NRXN3: variants seen among roughly 807,000 people sequenced by gnomAD.
NRXN3 encodes neurexin 3.
A neutral mutation model predicts 137.6 loss-of-function variants in NRXN3; 32 were observed. The ratio of observed to expected loss-of-function variants is 0.23; its 90% CI spans 0.18 to 0.31. NRXN3 has a LOEUF of 0.31. Ranked by LOEUF, NRXN3 falls within the 10% of genes least tolerant of loss-of-function variation. NRXN3 has a pLI of 1.00. For synonymous variants in NRXN3, 798 were observed against 784.5 expected (o/e 1.02, Z -0.29); for missense variants, 1,574 against 2,062.5 (o/e 0.76, Z 4.59).
chr14:78,915,078 A>T (rs1424238701), intron 10 of NRXN3, among the ~76,000 whole-genome samples: 1 of 152,128 alleles, frequency 6.6e-6, no homozygotes, highest in African/African-American at 2.4e-5. Context: ...AGGAAATCTC[A>T]GAAAGAGATG....
intron 4 of NRXN3, among the ~76,000 whole-genome samples, chr14:78,628,383 T>A (rs1186109082): frequency 6.6e-6 from 1 of 152,196 alleles, no homozygotes; most frequent in African/African-American, 2.4e-5. Flanking sequence ...TCAAAACAAT[T>A]TTTTTATACT....
At chr14:79,702,939 GCTCA>G (rs2098761014) in intron 19 of NRXN3, among the ~76,000 whole-genome samples, 3 of 134,314 alleles carry the variant, frequency 2.2e-5, no homozygotes, top group Non-Finnish European at 4.8e-5. Context: ...AAAAAAAAAA[GCTCA>G]GTGTGTTCTG....
At chr14:79,229,739 G>C (rs998301713) in intron 15 of NRXN3, among the ~76,000 whole-genome samples, 1 of 152,094 alleles carries the variant, frequency 6.6e-6, no homozygotes, top group Non-Finnish European at 1.5e-5. Flanking sequence ...TTTGCCAGCT[G>C]TCCGTCTTGT....
intron 16 of NRXN3, among the ~76,000 whole-genome samples, chr14:79,624,525 C>T (rs1454130327): frequency 6.6e-6 from 1 of 151,942 alleles, no homozygotes; most frequent in Non-Finnish European, 1.5e-5. Flanking sequence ...CCTTTGTTGT[C>T]ATAACGGCAC....
chr14:78,868,770 G>A (rs1163678508), intron 10 of NRXN3, among the ~76,000 whole-genome samples: 2 of 151,818 alleles, frequency 1.3e-5, no homozygotes, highest in African/African-American at 2.4e-5. Flanking sequence ...GTGGTGAGCC[G>A]AGATTGCACC....
intron 4 of NRXN3, among the ~76,000 whole-genome samples, chr14:78,424,370 C>T (rs1166993972): frequency 1.3e-5 from 2 of 152,196 alleles, no homozygotes; most frequent in African/African-American, 4.8e-5. Flanking sequence ...GAAAGCTATT[C>T]AGCCATGGGG....
chr14:79,043,674 G>C (rs965902191), intron 15 of NRXN3, among the ~76,000 whole-genome samples: 5 of 152,172 alleles, frequency 3.3e-5, no homozygotes, highest in African/African-American at 1.2e-4. Context: ...CCATCCTCTA[G>C]GTGGTGGCGG....
chr14:79,836,824 C>T (rs1220307871), intron 20 of NRXN3, among the ~76,000 whole-genome samples: 1 of 152,114 alleles, frequency 6.6e-6, no homozygotes. Context: ...ACAAAAAATC[C>T]TGACTCACTA....
intron 15 of NRXN3, among the ~76,000 whole-genome samples, chr14:79,069,128 A>G (rs1200458024): frequency 6.6e-6 from 1 of 152,112 alleles, no homozygotes; most frequent in African/African-American, 2.4e-5. Flanking sequence ...ACTGTTGGCT[A>G]AATATGAAAG....
intron 15 of NRXN3, among the ~76,000 whole-genome samples, chr14:79,219,153 A>G (rs549915551): frequency 6.6e-6 from 1 of 152,232 alleles, no homozygotes; most frequent in South Asian, 2.1e-4. Flanking sequence ...ATAGGGTCTC[A>G]CTCTGTGCCC....
At chr14:79,787,187 C>T (rs2099131820) in intron 19 of NRXN3, among the ~76,000 whole-genome samples, 1 of 152,126 alleles carries the variant, frequency 6.6e-6, no homozygotes, top group Admixed American at 6.5e-5. Flanking sequence ...CTTTTATGGA[C>T]CACTGAGGCA....
intron 4 of NRXN3, among the ~76,000 whole-genome samples, chr14:78,371,367 C>G (rs1284895120): frequency 6.6e-6 from 1 of 152,168 alleles, no homozygotes; most frequent in African/African-American, 2.4e-5. Context: ...TACTTTCTTC[C>G]TGCTCCATCC....
chr14:79,329,768 G>A (rs1598783992), intron 15 of NRXN3, among the ~76,000 whole-genome samples: 1 of 152,020 alleles, frequency 6.6e-6, no homozygotes, highest in Non-Finnish European at 1.5e-5. Context: ...AGCATGGATT[G>A]GACTGTTTGA....
intron 15 of NRXN3, among the ~76,000 whole-genome samples, chr14:79,375,609 GTGT>G (rs1236037773): frequency 6.6e-6 from 1 of 152,062 alleles, no homozygotes; most frequent in East Asian, 1.9e-4. Context: ...TAGGGTGGCT[GTGT>G]TGTTCTTCCG....
chr14:79,258,179 C>A (rs986817353), intron 15 of NRXN3, among the ~76,000 whole-genome samples: 2 of 151,970 alleles, frequency 1.3e-5, no homozygotes, highest in African/African-American at 4.8e-5. Context: ...AATTGTTAAG[C>A]TTCATTTCTT....
intron 15 of NRXN3, among the ~76,000 whole-genome samples, chr14:79,034,869 G>C (rs900712075): frequency 3.3e-5 from 5 of 152,044 alleles, no homozygotes; most frequent in Non-Finnish European, 7.4e-5. Flanking sequence ...TAAATGTTAG[G>C]AATCATTGAT....
chr14:78,552,272 G>T (rs1350802985), intron 4 of NRXN3, among the ~76,000 whole-genome samples: 1 of 152,194 alleles, frequency 6.6e-6, no homozygotes, highest in African/African-American at 2.4e-5. Flanking sequence ...CATAGTAGGT[G>T]TTAAAAATTG....
intron 15 of NRXN3, among the ~76,000 whole-genome samples, chr14:79,387,372 T>A (rs997673985): frequency 5.3e-5 from 8 of 152,144 alleles, no homozygotes; most frequent in African/African-American, 1.9e-4. Flanking sequence ...TCACTGGCCA[T>A]CAGAGAAATG....
intron 7 of NRXN3, among the ~76,000 whole-genome samples, chr14:78,710,150 A>C (rs2098393965): frequency 1.3e-5 from 2 of 152,254 alleles, no homozygotes; most frequent in Non-Finnish European, 2.9e-5. Context: ...AAATTATGAC[A>C]AGAAAGGAAA....
Sources: gnomAD v4.1 joint callset for allele counts (sites outside exome capture counted in the v4.1 genomes callset) on GRCh38, gnomAD v4.1.1 for gene constraint, MANE v1.5 for transcripts, NCBI Gene and HGNC (gene_info 2026-07-23, HGNC 2026-07-21) for gene names.